The following CLPTM1 variants were observed in gnomAD, a reference collection of about 807,000 sequenced individuals.
CLPTM1 encodes the protein CLPTM1 regulator of GABA type A receptor forward trafficking.
CLPTM1 carries 21 observed loss-of-function variants against 77.3 expected under a neutral mutation model. The ratio of observed to expected loss-of-function variants is 0.27; its 90% CI spans 0.19 to 0.39. The LOEUF (loss-of-function observed/expected upper bound fraction) is 0.39, where lower values mean the gene tolerates loss of function less well. Among genes scored for constraint, CLPTM1 ranks in the 10% least tolerant of loss-of-function variants. CLPTM1 has a pLI of 1.00. For missense variants in CLPTM1, 642 were observed against 921.2 expected, an observed-to-expected ratio of 0.70 and a Z score of 3.92; for synonymous variants, 373 against 381.0, an observed-to-expected ratio of 0.98 and a Z score of 0.24.
rs375054628 is a variant in CLPTM1 at position 44,992,369 on chromosome 19, C to T, written c.1692C>T (p.Pro564=). 9.9e-6 allele frequency: 16 copies of T among 1,614,150 alleles called. No individual in the cohort carries two copies. The highest frequency in any genetic ancestry group is 2.7e-5 in the African/African-American group (2 of 75,044). The part of the protein sequence containing the change: ...DDLFAFVIKM[P]VMYRIGCLRD... ...TGTTCGCCTTTGTCATCAAGATGCC[C>T]GTTATGTACCGGATCGGCTGCCTGC... Residue 564 remains proline (P), a synonymous_variant, in exon 13 of 14, where the codon CCC becomes CCT. Coordinates refer to ENST00000337392, the MANE Select transcript of CLPTM1 (RefSeq NM_001294.4). The surrounding 1 kb of genome is among the most constrained non-coding windows in gnomAD (Gnocchi z 7.7).
chr19:44,992,886 A>G lies in CLPTM1; in HGVS notation c.1999A>G (p.Lys667Glu), dbSNP rs757794882. ...EAPPKPAEDK[K>E]KD Reference sequence around the variant, plus strand: ...CCCTCCAAAGCCAGCAGAGGACAAGAAAAAGGATTAGTCGAGACTGGTCCT... The same window carrying G: ...CCCTCCAAAGCCAGCAGAGGACAAGGAAAAGGATTAGTCGAGACTGGTCCT... The change falls in exon 14 of 14, where the codon AAA becomes GAA. Residue 667 changes from lysine to glutamate, a missense_variant. Lys to Glu is a moderately conservative substitution (Grantham distance 56, BLOSUM62 1). Around this residue, in one of 2 missense-constraint regions of CLPTM1, gnomAD observed 521 missense variants for 800.4 expected, o/e 0.65. Transcript: ENST00000337392. The surrounding 1 kb of genome is among the most constrained non-coding windows in gnomAD (Gnocchi z 7.7). 14 of 1,613,556 alleles carry G rather than the reference A, an allele frequency of 8.7e-6. No individual in the cohort carries two copies. The highest frequency in any genetic ancestry group is 1.2e-5 in the Non-Finnish European group (14 of 1,179,850).
chr19:44,986,644 C>G, intron 7 of CLPTM1, 69 bp downstream of exon 7: 3 of 1,568,604 alleles, frequency 1.9e-6, no homozygotes, highest in Middle Eastern at 1.8e-4. Flanking sequence ...ATCTCCTTGT[C>G]TTCTCCTGGC....
At chr19:44,980,982 C>A (rs1018039975) in intron 5 of CLPTM1, among the ~76,000 whole-genome samples, 1 of 151,602 alleles carries the variant, frequency 6.6e-6, no homozygotes, top group African/African-American at 2.4e-5. Flanking sequence ...GGACTACAGG[C>A]GCCCGCCACC....
Position 44,990,657 on chromosome 19 carries a change from C to T in CLPTM1, c.1323+72C>T. 6.6e-7 allele frequency: 1 copy of T among 1,524,962 alleles called. No homozygotes were observed. Among genetic ancestry groups the T allele is most frequent in the East Asian group, 2.3e-5 (1 of 44,238 alleles). 94.5% of individuals were successfully genotyped at this position (1,524,962 alleles called of 1,614,324 possible). ...GGGGGTAGTGTGGCCCAGCTGGACCCTGGAGCTGGCCCCCGGGGGATTCCC... is the reference window on the plus strand; with the variant it reads ...GGGGGTAGTGTGGCCCAGCTGGACCTTGGAGCTGGCCCCCGGGGGATTCCC... On this transcript the variant is annotated intron_variant, in intron 10 of 13. Transcript: ENST00000337392. This position sits in a 1 kb window ranked among gnomAD's most constrained non-coding sequence, Gnocchi z 4.8.
In CLPTM1 at chr19:44,961,914, A is replaced by AGCC. The variant is rs772294436; in HGVS notation, c.73-48_73-46dup. On this transcript the variant is annotated intron_variant, in intron 1 of 13. Transcript: ENST00000337392. ...CTTCATGCATGATGGTGTCTAAGAC[A>AGCC]GCCCCCGTGTCCATTCTCCCTCCTT... 3.1e-6 allele frequency: 4 copies of AGCC among 1,291,982 alleles called. No individual in the cohort carries two copies. The Admixed American group carries it at 9.6e-5, about 31-fold the overall frequency. 80.0% of individuals were successfully genotyped at this position (1,291,982 alleles called of 1,614,324 possible).
chr19:44,959,557 T>C (rs1414008612), intron 1 of CLPTM1, among the ~76,000 whole-genome samples: 1 of 152,130 alleles, frequency 6.6e-6, no homozygotes, highest in Non-Finnish European at 1.5e-5. Flanking sequence ...TCTTGCTGTG[T>C]TGCCCAGGCT....
chr19:44,965,295 C>T (rs929530644), intron 2 of CLPTM1, among the ~76,000 whole-genome samples: 20 of 151,330 alleles, frequency 1.3e-4, no homozygotes, highest in African/African-American at 4.9e-4. Context: ...GTCAAGAGAT[C>T]GAGACCATCC....
At chr19:44,965,296 G>C (rs1178060146) in intron 2 of CLPTM1, among the ~76,000 whole-genome samples, 1 of 151,392 alleles carries the variant, frequency 6.6e-6, no homozygotes, top group Non-Finnish European at 1.5e-5. Flanking sequence ...TCAAGAGATC[G>C]AGACCATCCT....
At chr19:44,974,705 C>T (rs1177566990) in intron 4 of CLPTM1, 108 bp downstream of exon 4, 40 of 1,286,358 alleles carry the variant, frequency 3.1e-5, no homozygotes, top group Non-Finnish European at 4.2e-5. Flanking sequence ...GGGCTCCAGG[C>T]TTGGCCCTTC....
At chr19:44,959,781 C>A (rs1433729138) in intron 1 of CLPTM1, among the ~76,000 whole-genome samples, 2 of 152,192 alleles carry the variant, frequency 1.3e-5, no homozygotes, top group African/African-American at 4.8e-5. Context: ...TACTTTCCCC[C>A]CTAGCAGCAT....
At position 44,992,946 on chromosome 19, in the gene CLPTM1, C is replaced by T. The variant is rs759247779; in HGVS notation, c.*49C>T. On this transcript the variant is annotated 3_prime_UTR_variant, in exon 14 of 14. Coordinates refer to ENST00000337392, the MANE Select transcript of CLPTM1 (RefSeq NM_001294.4). The surrounding 1 kb of genome is among the most constrained non-coding windows in gnomAD (Gnocchi z 7.7). ...CGGCTCCTGGCGACCACTACCCCTG[C>T]GTCCCGGCCCCCTCGCCTCCCCTCC... 2.3e-5 allele frequency: 37 copies of T among 1,582,210 alleles called. No homozygotes were observed. Among genetic ancestry groups the T allele is most frequent in the Admixed American group, 5.3e-5 (3 of 56,710 alleles).
chr19:44,968,832 A>G (rs1011505980), intron 2 of CLPTM1, among the ~76,000 whole-genome samples: 17 of 152,228 alleles, frequency 1.1e-4, no homozygotes, highest in Non-Finnish European at 2.1e-4. Context: ...TGCTGGAGGC[A>G]TCGGTATCCC....
At position 44,993,072 on chromosome 19, in the gene CLPTM1, G is replaced by A. The variant is rs1971109402; in HGVS notation, c.*175G>A. ...TAGGGGCCGGGGCAGGCCAGGGTTT[G>A]TTTGTGGAGGCGCTGTCTGTCCCTC... On this transcript the variant is annotated 3_prime_UTR_variant, in exon 14 of 14. Transcript: ENST00000337392. The A allele has an allele frequency of 2.5e-6, 2 of 802,262 alleles. No individual in the cohort carries two copies. The highest frequency in any genetic ancestry group is 3.4e-5 in the African/African-American group (2 of 59,422). 49.7% of individuals were successfully genotyped at this position (802,262 alleles called of 1,614,324 possible). A position where few individuals can be genotyped will look rare whatever the true frequency, so the allele number is the denominator to read the frequency against.
At chr19:44,965,379 T>A (rs1330807944) in intron 2 of CLPTM1, among the ~76,000 whole-genome samples, 1 of 151,774 alleles carries the variant, frequency 6.6e-6, no homozygotes, top group Admixed American at 6.6e-5. Flanking sequence ...AAGCCTGTAG[T>A]CCCAGCTACT....
chr19:44,987,163 G>A lies in CLPTM1; in HGVS notation c.794-16G>A, dbSNP rs1328196449. The A allele has an allele frequency of 1.2e-6, 2 of 1,601,478 alleles. No individual in the cohort carries two copies. Among genetic ancestry groups the A allele is most frequent in the Non-Finnish European group, 1.7e-6 (2 of 1,171,636 alleles). On this transcript the variant is annotated splice_polypyrimidine_tract_variant and intron_variant, in intron 7 of 13. Coordinates refer to ENST00000337392, the MANE Select transcript of CLPTM1 (RefSeq NM_001294.4). ...CCTGCCCGGGCCAAATGGTGCCCCTGCCCCACGTGCTGCAGATGTGAAGTT... is the reference window on the plus strand; with the variant it reads ...CCTGCCCGGGCCAAATGGTGCCCCTACCCCACGTGCTGCAGATGTGAAGTT...
chr19:44,986,862 A>G, intron 7 of CLPTM1: 1 of 529,034 alleles, frequency 1.9e-6, no homozygotes, highest in Non-Finnish European at 3.3e-6. Context: ...CAGCTTTTGA[A>G]ATTGAGGCAG....
rs769057466 is a variant in CLPTM1 at position 44,987,326 on chromosome 19, G to A, written c.941G>A (p.Arg314His). Residue 314 changes from arginine (R) to histidine (H), a missense_variant, in exon 8 of 14, where the codon CGC (arginine) becomes CAC (histidine). Coordinates refer to ENST00000337392, the MANE Select transcript of CLPTM1 (RefSeq NM_001294.4). ...TCCTTCTGCCCACTCTCGCTTTGGCGCTGGCAGCTCTATGCTGCCCAGAGC... is the reference window on the plus strand; with the variant it reads ...TCCTTCTGCCCACTCTCGCTTTGGCACTGGCAGCTCTATGCTGCCCAGAGC... ...RVSFCPLSLW[R>H]WQLYAAQSTK... is the part of the protein sequence containing the mutation. The A allele has an allele frequency of 1.9e-6, 3 of 1,614,124 alleles. No homozygotes were observed. Among genetic ancestry groups the A allele is most frequent in the Non-Finnish European group, 1.7e-6 (2 of 1,180,046 alleles).
intron 8 of CLPTM1, 90 bp downstream of exon 8, chr19:44,987,513 C>T (rs1971000463): frequency 1.3e-6 from 2 of 1,530,072 alleles, no homozygotes; most frequent in Non-Finnish European, 8.8e-7. Context: ...GCTGTGGGAC[C>T]TCCCGCCTGG....
intron 6 of CLPTM1, 101 bp downstream of exon 6, chr19:44,985,404 C>G: frequency 1.2e-6 from 1 of 806,664 alleles, no homozygotes; most frequent in Non-Finnish European, 2.1e-6. Context: ...CACTGAACCA[C>G]CATGCCGGCT....
Sources: allele counts gnomAD v4.1 joint callset (sites outside exome capture counted in the v4.1 genomes callset), GRCh38; gene constraint gnomAD v4.1.1; regional missense constraint gnomAD v4.1.1; non-coding constraint Gnocchi (gnomAD v3.1); transcripts MANE v1.5; gene names NCBI Gene and HGNC (gene_info 2026-07-23, HGNC 2026-07-21).